The following RCC1 variants were observed in gnomAD, a reference collection of about 807,000 sequenced individuals.
The protein encoded by RCC1 is regulator of chromosome condensation.
A neutral mutation model predicts 44.4 loss-of-function variants in RCC1; 11 were observed. That is an observed-to-expected ratio of 0.25 (90% CI 0.16 to 0.41). The LOEUF is 0.41. Ranked by LOEUF, RCC1 falls within the 10% of genes least tolerant of loss-of-function variation. The probability of loss-of-function intolerance (pLI) is 1.00; values close to 1 mark genes in which losing one functional copy is unlikely to be tolerated. For missense variants in RCC1, 386 were observed against 547.1 expected (o/e 0.71, Z 2.94); for synonymous variants, 213 against 216.5 (o/e 0.98, Z 0.14).
At position 28,536,955 on chromosome 1, in the gene RCC1, C is replaced by A; in HGVS notation, c.1090+56C>A. ...TGGGACCTGGGGGTCATGGTTCTTA[C>A]CCAATTCCCCAATAGGCTGTGATGT... On this transcript the variant is annotated intron_variant, in intron 12 of 12. Transcript: ENST00000683442. This position sits in a 1 kb window ranked among gnomAD's most constrained non-coding sequence, Gnocchi z 4.9. 3 of 1,585,262 alleles carry A rather than the reference C, an allele frequency of 1.9e-6. No homozygotes were observed. The highest frequency in any genetic ancestry group is 2.6e-6 in the Non-Finnish European group (3 of 1,157,034).
intron 4 of RCC1, chr1:28,519,074 T>TGGG: frequency 6.6e-6 from 1 of 152,332 alleles, no homozygotes; most frequent in South Asian, 2.1e-4. Context: ...TCCCCCACCC[T>TGGG]GCCCAGGAGG....
intron 1 of RCC1, chr1:28,507,426 G>A (rs1489927854): frequency 1.9e-6 from 1 of 518,998 alleles, no homozygotes; most frequent in Non-Finnish European, 3.8e-6. Context: ...GCGTAGGGGA[G>A]CATAGGGCTC....
intron 3 of RCC1, among the ~76,000 whole-genome samples, chr1:28,512,329 A>G (rs572953614): frequency 3.9e-5 from 6 of 151,988 alleles, no homozygotes; most frequent in Non-Finnish European, 7.4e-5. Flanking sequence ...TGGCACCTTG[A>G]TCATTCTTCC....
At position 28,522,744 on chromosome 1, in the gene RCC1, G is replaced by A. The variant is rs564681460; in HGVS notation, c.-10+5877G>A. Reference sequence around the variant, plus strand: ...GCAGGAGGGTCGCTTGAGCCTAGGAGGTGGAGGTTGCAGTGAGCCGTGTAC... The same window carrying A: ...GCAGGAGGGTCGCTTGAGCCTAGGAAGTGGAGGTTGCAGTGAGCCGTGTAC... On this transcript the variant is annotated intron_variant, in intron 4 of 12. Transcript: ENST00000683442. Among the ~76,000 whole-genome samples the A allele has an allele frequency of 7.9e-5, 12 of 152,090 alleles. No individual in the cohort carries two copies. In the South Asian group the frequency reaches 2.1e-3, roughly 26 times the overall value.
intron 4 of RCC1, among the ~76,000 whole-genome samples, chr1:28,528,254 G>A (rs1323149529): frequency 2.0e-5 from 3 of 152,036 alleles, no homozygotes; most frequent in Non-Finnish European, 4.4e-5. Context: ...TCAGGAGTTC[G>A]AGACCAGCCT....
intron 5 of RCC1, chr1:28,530,459 A>G: frequency 1.4e-6 from 2 of 1,471,582 alleles, no homozygotes; most frequent in East Asian, 4.7e-5. Flanking sequence ...GAGGAGAGAA[A>G]AGCCAGCACC....
At chr1:28,524,349 C>T (rs1338160196) in intron 4 of RCC1, among the ~76,000 whole-genome samples, 1 of 152,194 alleles carries the variant, frequency 6.6e-6, no homozygotes, top group Non-Finnish European at 1.5e-5. Context: ...TGGCCAAGCT[C>T]ATAGGGGGAT....
At chr1:28,533,136 T>A (rs937256952) in intron 7 of RCC1, among the ~76,000 whole-genome samples, 6 of 152,076 alleles carry the variant, frequency 3.9e-5, no homozygotes, top group African/African-American at 1.4e-4. Flanking sequence ...CCTTATCACA[T>A]CTATTTTGAA....
chr1:28,530,443 GA>G (rs1339474572), intron 5 of RCC1: 2 of 1,328,356 alleles, frequency 1.5e-6, no homozygotes, highest in African/African-American at 2.9e-5. Context: ...CCCGGAGGGG[GA>G]CAGGGAGGAG....
chr1:28,515,705 A>G (rs1662856520), intron 3 of RCC1, among the ~76,000 whole-genome samples: 1 of 151,944 alleles, frequency 6.6e-6, no homozygotes, highest in African/African-American at 2.4e-5. Context: ...CAACAGAATG[A>G]GACTCCATCT....
chr1:28,508,702 C>G, intron 2 of RCC1, 128 bp from the exon 3 acceptor site: 1 of 519,080 alleles, frequency 1.9e-6, no homozygotes, highest in South Asian at 1.4e-5. Context: ...CTGCATATTC[C>G]TACAGCTTCC....
At chr1:28,507,770 C>T (rs1274630494) in intron 1 of RCC1, 1 of 340,302 alleles carries the variant, frequency 2.9e-6, no homozygotes, top group African/African-American at 2.2e-5. Flanking sequence ...CCACGCCAGG[C>T]TAATTTTTGT....
At chr1:28,530,196 C>G (rs1323608566) in intron 5 of RCC1, among the ~76,000 whole-genome samples, 1 of 152,150 alleles carries the variant, frequency 6.6e-6, no homozygotes, top group Non-Finnish European at 1.5e-5. Context: ...AGGGCTTCAC[C>G]CCAGGCAGTG....
intron 1 of RCC1, chr1:28,506,374 G>A (rs772696597): frequency 1.1e-5 from 4 of 378,180 alleles, no homozygotes; most frequent in Non-Finnish European, 1.6e-5. Flanking sequence ...TAGTGGAGAC[G>A]GGGTTTCGCT....
At position 28,530,624 on chromosome 1, in the gene RCC1, G is replaced by A. The variant is rs201847803; in HGVS notation, c.73+685G>A. On this transcript the variant is annotated intron_variant, in intron 5 of 12. Coordinates refer to ENST00000683442, the MANE Select transcript of RCC1 (RefSeq NM_001381865.2). Reference sequence around the variant, plus strand: ...CCAGAAAACCCGACCAGGTGGCTCCGCGCCCGGGGCGCCCTCTGTGCTGCC... The same window carrying A: ...CCAGAAAACCCGACCAGGTGGCTCCACGCCCGGGGCGCCCTCTGTGCTGCC... 6.3e-4 allele frequency: 999 copies of A among 1,590,644 alleles called. 4 individuals carry two copies. The African/African-American group carries it at 0.011, about 17-fold the overall frequency.
intron 4 of RCC1, chr1:28,526,779 C>T (rs1460982748): frequency 3.6e-6 from 2 of 552,054 alleles, no homozygotes; most frequent in Non-Finnish European, 6.5e-6. Flanking sequence ...GCCTGTAATT[C>T]CAGGTACTCA....
Position 28,536,085 on chromosome 1 carries a change from T to G in RCC1, c.817+59T>G. Reference sequence around the variant, plus strand: ...GTGGCCTGCGTTCCTGTCCTGGCTCTGCCACTCATTCATTGTGCATCCTTT... The same window carrying G: ...GTGGCCTGCGTTCCTGTCCTGGCTCGGCCACTCATTCATTGTGCATCCTTT... On this transcript the variant is annotated intron_variant, in intron 10 of 12. Coordinates refer to ENST00000683442, the MANE Select transcript of RCC1 (RefSeq NM_001381865.2). This position sits in a 1 kb window ranked among gnomAD's most constrained non-coding sequence, Gnocchi z 4.9. The G allele has an allele frequency of 6.4e-7, 1 of 1,558,064 alleles. No homozygotes were observed. Among genetic ancestry groups the G allele is most frequent in the African/African-American group, 1.4e-5 (1 of 73,396 alleles).
intron 9 of RCC1, 32 bp downstream of exon 9, chr1:28,535,412 A>G: frequency 1.9e-6 from 3 of 1,611,854 alleles, no homozygotes; most frequent in Non-Finnish European, 8.5e-7. Context: ...AGCAGGGCAA[A>G]TTGGCAGGCC....
intron 3 of RCC1, among the ~76,000 whole-genome samples, 197 bp from the exon 4 acceptor site, chr1:28,516,528 T>C (rs1302324946): frequency 6.7e-6 from 1 of 149,336 alleles, no homozygotes; most frequent in African/African-American, 2.5e-5. Flanking sequence ...AGAGTTGAGG[T>C]CTCCTTCCAC....
Sources: gnomAD v4.1 joint callset for allele counts (sites outside exome capture counted in the v4.1 genomes callset) on GRCh38, gnomAD v4.1.1 for gene constraint, Gnocchi (gnomAD v3.1) non-coding constraint, MANE v1.5 for transcripts, NCBI Gene and HGNC (gene_info 2026-07-23, HGNC 2026-07-21) for gene names.